Variants in ELK3 observed in about 807,000 individuals in gnomAD.
The protein encoded by ELK3 is ETS domain-containing protein Elk-3.
Under a neutral mutation model 28.9 loss-of-function variants are expected in ELK3, and 10 were observed. That is an observed-to-expected ratio of 0.35 (90% CI 0.21 to 0.59). ELK3 has a LOEUF of 0.59. Among genes scored for constraint, ELK3 ranks in the 20% least tolerant of loss-of-function variants. The probability of loss-of-function intolerance (pLI) is 0.82; values close to 1 mark genes in which losing one functional copy is unlikely to be tolerated. For missense variants in ELK3, 463 were observed against 517.3 expected (o/e 0.90, Z 1.02); for synonymous variants, 272 against 243.5 (o/e 1.12, Z -1.09).
intron 1 of ELK3, chr12:96,212,787 C>T (rs907739847): frequency 3.9e-5 from 6 of 152,064 alleles, no homozygotes; most frequent in Non-Finnish European, 7.4e-5. Flanking sequence ...GTGTGGCTAC[C>T]GGTGAGCCAC....
At chr12:96,202,302 G>C (rs1951512406) in intron 1 of ELK3, among the ~76,000 whole-genome samples, 1 of 152,152 alleles carries the variant, frequency 6.6e-6, no homozygotes, top group Non-Finnish European at 1.5e-5. Flanking sequence ...TTCCTCAAAT[G>C]CTTAAGGTGT....
Position 96,199,482 on chromosome 12 carries a change from G to GTA in ELK3, c.-3+4778_-3+4779insAT, listed in dbSNP as rs1442492491. ...GCAGCCCCAGTAAATAAAATTAGCT[G>GTA]TGTGTGTGTGTGTGTGTGTGTGTGT... On this transcript the variant is annotated intron_variant, in intron 1 of 4. Coordinates refer to ENST00000228741, the MANE Select transcript of ELK3 (RefSeq NM_005230.4). 3.3e-5 allele frequency among the ~76,000 whole-genome samples: 4 copies of GTA among 121,796 alleles called. No individual in the cohort carries two copies. In the South Asian group the frequency reaches 7.2e-4, roughly 22 times the overall value. 79.9% of individuals were successfully genotyped at this position (121,796 alleles called of 152,430 possible). A position where few individuals can be genotyped will look rare whatever the true frequency, so the allele number is the denominator to read the frequency against.
At chr12:96,202,963 A>G (rs575333049) in intron 1 of ELK3, among the ~76,000 whole-genome samples, 1 of 151,826 alleles carries the variant, frequency 6.6e-6, no homozygotes, top group East Asian at 1.9e-4. Flanking sequence ...GCTCACTGCA[A>G]CCTCTGCCTC....
chr12:96,197,473 A>C, intron 1 of ELK3, among the ~76,000 whole-genome samples: 1 of 152,220 alleles, frequency 6.6e-6, no homozygotes, highest in East Asian at 1.9e-4. Flanking sequence ...AACAAATAGG[A>C]CATTTAAAAG....
chr12:96,197,420 A>G (rs912370307), intron 1 of ELK3, among the ~76,000 whole-genome samples: 32 of 152,324 alleles, frequency 2.1e-4, no homozygotes, highest in African/African-American at 7.2e-4. Context: ...ATTTACTTTA[A>G]TGATGATGAA....
chr12:96,215,833 A>C (rs1318531161), intron 1 of ELK3, among the ~76,000 whole-genome samples: 1 of 151,492 alleles, frequency 6.6e-6, no homozygotes, highest in Non-Finnish European at 1.5e-5. Context: ...ATGGGGTCTT[A>C]CTCTTGCCCA....
rs1951629695 is a variant in ELK3 at position 96,217,794 on chromosome 12, T to C, written c.-2-5771T>C. On this transcript the variant is annotated intron_variant, in intron 1 of 4. Transcript: ENST00000228741. ...CCACTAAAAATACAAAAAAATTAGC[T>C]GGGCGTGGTGGTGCGCACCTGTGGT... Among the ~76,000 whole-genome samples the C allele has an allele frequency of 3.3e-5, 5 of 151,610 alleles. No homozygotes were observed. The South Asian group carries it at 1.0e-3, about 32-fold the overall frequency.
intron 2 of ELK3, among the ~76,000 whole-genome samples, chr12:96,238,002 G>A (rs537132534): frequency 6.6e-6 from 1 of 152,226 alleles, no homozygotes; most frequent in East Asian, 1.9e-4. Flanking sequence ...TCTGCTACTT[G>A]TGGGTGTTGT....
intron 1 of ELK3, among the ~76,000 whole-genome samples, chr12:96,211,927 A>G (rs79849883): frequency 0.035 from 5,331 of 152,272 alleles, 335 homozygotes; most frequent in East Asian, 0.27. Flanking sequence ...CATTTTTCTG[A>G]TCCAAATGAC....
At chr12:96,210,710 T>C (rs1357163961) in intron 1 of ELK3, among the ~76,000 whole-genome samples, 1 of 152,164 alleles carries the variant, frequency 6.6e-6, no homozygotes, top group Non-Finnish European at 1.5e-5. Context: ...CTTGAACCTA[T>C]TTAAACCACG....
At chr12:96,204,302 CCTT>C (rs1229332124) in intron 1 of ELK3, among the ~76,000 whole-genome samples, 3 of 152,094 alleles carry the variant, frequency 2.0e-5, no homozygotes, top group Non-Finnish European at 2.9e-5. Flanking sequence ...AGTTCAGGGT[CCTT>C]CTTTACTTAT....
Position 96,249,750 on chromosome 12 carries a change from G to A in ELK3, c.1002+2016G>A, listed in dbSNP as rs183546395. ...GTCTCAGAGGAAGTCAGCTCAGCCAGCCCTGTGGATAATGTGGATGGAGTG... is the reference window on the plus strand; with the variant it reads ...GTCTCAGAGGAAGTCAGCTCAGCCAACCCTGTGGATAATGTGGATGGAGTG... On this transcript the variant is annotated intron_variant, in intron 3 of 4. Transcript: ENST00000228741. Among the ~76,000 whole-genome samples, 93 of 152,374 alleles carry A rather than the reference G, an allele frequency of 6.1e-4. 1 individual carries two copies. The highest frequency in any genetic ancestry group is 1.8e-3 in the Admixed American group (27 of 15,300).
chr12:96,194,389 C>A lies in ELK3; in HGVS notation c.-319C>A, dbSNP rs1488983177. 1 of 145,982 alleles carries A rather than the reference C, an allele frequency of 6.9e-6. No individual in the cohort carries two copies. Among genetic ancestry groups the A allele is most frequent in the Non-Finnish European group, 1.5e-5 (1 of 65,714 alleles). The allele number at this position is 145,982 out of a possible 1,614,324, so 9.0% of individuals were successfully genotyped here. A position where few individuals can be genotyped will look rare whatever the true frequency, so the allele number is the denominator to read the frequency against. On this transcript the variant is annotated 5_prime_UTR_variant, in exon 1 of 5. Coordinates refer to ENST00000228741, the MANE Select transcript of ELK3 (RefSeq NM_005230.4). The stretch of plus-strand genomic sequence containing the variant: ...GCGGGGGAGGCGCGGGCCTGGGCGG[C>A]CAGCCCCGGCGCACAGCCGCGGCCG...
At chr12:96,235,627 G>T (rs527911452) in intron 2 of ELK3, among the ~76,000 whole-genome samples, 1 of 152,138 alleles carries the variant, frequency 6.6e-6, no homozygotes, top group African/African-American at 2.4e-5. Flanking sequence ...GAGTTTCCAA[G>T]TCAACTGGTG....
At chr12:96,262,072 G>A (rs1045703790) in intron 4 of ELK3, among the ~76,000 whole-genome samples, 3 of 148,820 alleles carry the variant, frequency 2.0e-5, no homozygotes, top group Non-Finnish European at 4.4e-5. Flanking sequence ...AGGCTGGAGT[G>A]CAGTGGTGTG....
intron 1 of ELK3, among the ~76,000 whole-genome samples, chr12:96,209,334 G>A (rs577495829): frequency 1.3e-5 from 2 of 151,974 alleles, no homozygotes; most frequent in South Asian, 4.1e-4. Context: ...CCAGAAAGAC[G>A]CCTCTAAAGC....
chr12:96,202,011 A>G (rs139495140), intron 1 of ELK3, among the ~76,000 whole-genome samples: 2,066 of 152,222 alleles, frequency 0.014, 43 homozygotes, highest in Admixed American at 0.057. Flanking sequence ...AGCACCAGAT[A>G]AGAGTTTGGT....
At chr12:96,220,373 T>C (rs1376375008) in intron 1 of ELK3, among the ~76,000 whole-genome samples, 1 of 143,294 alleles carries the variant, frequency 7.0e-6, no homozygotes, top group Non-Finnish European at 1.5e-5. Flanking sequence ...AGTAGCATAC[T>C]TTTTCGTGAT....
At chr12:96,223,998 TC>T in intron 2 of ELK3, 1 of 540,578 alleles carries the variant, frequency 1.8e-6, no homozygotes, top group Non-Finnish European at 3.3e-6. Flanking sequence ...TTCTGCATTT[TC>T]GTCTGAGTTT....
Sources: gnomAD v4.1 joint callset for allele counts (sites outside exome capture counted in the v4.1 genomes callset) on GRCh38, gnomAD v4.1.1 for gene constraint, MANE v1.5 for transcripts, NCBI Gene and HGNC (gene_info 2026-07-23, HGNC 2026-07-21) for gene names.